Variants in SDK1 observed in about 807,000 individuals in gnomAD.
SDK1 encodes sidekick cell adhesion molecule 1.
A neutral mutation model predicts 245.5 loss-of-function variants in SDK1; 157 were observed. That is an observed-to-expected ratio of 0.64 (90% CI 0.56 to 0.73). The LOEUF is 0.73. Ranked by LOEUF, SDK1 falls within the 30% of genes least tolerant of loss-of-function variation. The pLI, the probability that SDK1 is intolerant of heterozygous loss-of-function variation, is 0.00. For synonymous variants in SDK1, 1,647 were observed against 1,278.5 expected (o/e 1.29, Z -6.15); for missense variants, 3,583 against 3,002.3 (o/e 1.19, Z -4.52).
chr7:3,343,240 TAATA>T (rs1398314569), intron 1 of SDK1, among the ~76,000 whole-genome samples: 2 of 152,184 alleles, frequency 1.3e-5, no homozygotes, highest in Non-Finnish European at 2.9e-5. Flanking sequence ...GCTTTATTTA[TAATA>T]AATACCCCTA....
rs1781647131 is a variant in SDK1 at position 3,485,199 on chromosome 7, C to G, written c.299-133881C>G. Reference sequence around the variant, plus strand: ...GTCTTTTTGATAATAGCTATCATATCTGGGGTGAGATGAAATCTCACTGTG... The same window carrying G: ...GTCTTTTTGATAATAGCTATCATATGTGGGGTGAGATGAAATCTCACTGTG... On this transcript the variant is annotated intron_variant, in intron 1 of 44. Transcript: ENST00000404826. Among the ~76,000 whole-genome samples the G allele has an allele frequency of 2.0e-5, 3 of 152,120 alleles. No homozygotes were observed. The South Asian group carries it at 6.2e-4, about 32-fold the overall frequency.
chr7:4,182,230 G>A (rs1000900602), intron 35 of SDK1, among the ~76,000 whole-genome samples: 1 of 152,096 alleles, frequency 6.6e-6, no homozygotes, highest in Non-Finnish European at 1.5e-5. Flanking sequence ...ACTGCCCCAG[G>A]ACACCCTCTC....
At chr7:3,487,953 A>G (rs773462848) in intron 1 of SDK1, among the ~76,000 whole-genome samples, 1 of 152,006 alleles carries the variant, frequency 6.6e-6, no homozygotes, top group Non-Finnish European at 1.5e-5. Flanking sequence ...TGTTTGTAGC[A>G]TCTGTGTCTG....
Position 4,265,580 on chromosome 7 carries a change from G to T in SDK1, c.*196G>T. The T allele has an allele frequency of 7.4e-7, 1 of 1,343,884 alleles. No homozygotes were observed. Among genetic ancestry groups the T allele is most frequent in the Non-Finnish European group, 9.5e-7 (1 of 1,057,056 alleles). The allele number at this position is 1,343,884 out of a possible 1,614,324, so 83.2% of individuals were successfully genotyped here. ...TTTTTAAACGGCTTTTTGTAACTTC[G>T]CTGCAGGAAGCAGGTTTGTTTCTTT... On this transcript the variant is annotated 3_prime_UTR_variant, in exon 45 of 45. Transcript: ENST00000404826.
intron 5 of SDK1, among the ~76,000 whole-genome samples, chr7:3,937,027 T>A (rs1410149397): frequency 6.6e-6 from 1 of 152,158 alleles, no homozygotes; most frequent in African/African-American, 2.4e-5. Context: ...CTGGCCATGA[T>A]CATCATGTGC....
At chr7:3,578,432 T>C (rs1006916280) in intron 1 of SDK1, among the ~76,000 whole-genome samples, 6 of 152,074 alleles carry the variant, frequency 3.9e-5, no homozygotes, top group Admixed American at 6.6e-5. Context: ...GCTGTGCACG[T>C]ATTGTCTTAA....
chr7:3,822,242 A>G lies in SDK1; in HGVS notation c.847+659A>G, dbSNP rs551872199. ...GAACTCTGAACTAATCTAGATTCAG[A>G]CATCCATATCAGAAGGCTTGTCATC... On this transcript the variant is annotated intron_variant, in intron 5 of 44. Transcript: ENST00000404826. Among the ~76,000 whole-genome samples the G allele has an allele frequency of 7.2e-5, 11 of 152,364 alleles. No homozygotes were observed. In the East Asian group the frequency reaches 1.9e-3, roughly 27 times the overall value.
chr7:3,386,995 C>G (rs1410014186), intron 1 of SDK1, among the ~76,000 whole-genome samples: 1 of 152,180 alleles, frequency 6.6e-6, no homozygotes, highest in Admixed American at 6.5e-5. Flanking sequence ...ATGGCACATT[C>G]ATCTTCAGTT....
At position 3,702,998 on chromosome 7, in the gene SDK1, G is replaced by A. The variant is rs10265854; in HGVS notation, c.713+60893G>A. On this transcript the variant is annotated intron_variant, in intron 4 of 44. Transcript: ENST00000404826. ...GCGTTGCTGGTGGAGATATAAATTG[G>A]TGCATCTAGAAAATATTGGAAAATA... Among the ~76,000 whole-genome samples the A allele has an allele frequency of 6.3e-3, 948 of 150,292 alleles. 14 individuals are homozygous for A. Among genetic ancestry groups the A allele is most frequent in the African/African-American group, 0.022 (879 of 40,744 alleles).
At chr7:3,567,247 G>A (rs1037732423) in intron 1 of SDK1, among the ~76,000 whole-genome samples, 3 of 152,138 alleles carry the variant, frequency 2.0e-5, no homozygotes, top group Non-Finnish European at 2.9e-5. Flanking sequence ...TTGCAACCTC[G>A]ACAGGTATTT....
At position 3,619,189 on chromosome 7, in the gene SDK1, C is replaced by A. The variant is rs1781860184; in HGVS notation, c.408C>A (p.Phe136Leu). The A allele has an allele frequency of 5.6e-6, 9 of 1,613,734 alleles. No homozygotes were observed. In the South Asian group the frequency reaches 9.9e-5, roughly 18 times the overall value. Residue 136 changes from phenylalanine (F) to leucine (L), a missense_variant, in exon 2 of 45, where the codon TTC becomes TTA. Coordinates refer to ENST00000404826, the MANE Select transcript of SDK1 (RefSeq NM_152744.4). ...CLAEGSWPLE[F>L]KWMRDDSELT... ...CCGAAGGGAGCTGGCCTTTGGAGTT[C>A]AAGTGGATGCGCGATGACAGTGAGC...
At chr7:4,030,360 A>G (rs1332625851) in intron 17 of SDK1, among the ~76,000 whole-genome samples, 2 of 152,268 alleles carry the variant, frequency 1.3e-5, no homozygotes, top group African/African-American at 4.8e-5. Flanking sequence ...AAGTTGCTCA[A>G]AGAAAGATTT....
intron 4 of SDK1, among the ~76,000 whole-genome samples, chr7:3,789,251 G>T (rs1256237100): frequency 6.6e-6 from 1 of 151,990 alleles, no homozygotes; most frequent in Non-Finnish European, 1.5e-5. Context: ...AGGTTCAAGC[G>T]ATTCTCCTGC....
chr7:3,872,580 CTTTTTT>C (rs57740560), intron 5 of SDK1, among the ~76,000 whole-genome samples: 21 of 140,102 alleles, frequency 1.5e-4, no homozygotes, highest in Non-Finnish European at 3.2e-4. Flanking sequence ...TTTTTGGTAT[CTTTTTT>C]TTTTTTTTTA....
chr7:3,407,679 A>T (rs1042732474), intron 1 of SDK1, among the ~76,000 whole-genome samples: 8 of 152,218 alleles, frequency 5.3e-5, no homozygotes. Context: ...TGGATACTAT[A>T]AATTGAAGAT....
At chr7:3,820,306 C>A (rs528351931) in intron 4 of SDK1, among the ~76,000 whole-genome samples, 19 of 152,198 alleles carry the variant, frequency 1.2e-4, no homozygotes, top group African/African-American at 4.6e-4. Context: ...TGTGCCACCA[C>A]GCCGAACTAA....
intron 4 of SDK1, among the ~76,000 whole-genome samples, chr7:3,744,826 AC>A (rs1779573635): frequency 6.6e-6 from 1 of 151,566 alleles, no homozygotes; most frequent in Non-Finnish European, 1.5e-5. Context: ...AAACAAACAA[AC>A]AAAAAAAAAC....
chr7:3,827,292 C>G (rs1463564150), intron 5 of SDK1, among the ~76,000 whole-genome samples: 1 of 152,142 alleles, frequency 6.6e-6, no homozygotes, highest in Non-Finnish European at 1.5e-5. Flanking sequence ...AACCTATTTT[C>G]AGTCCTTTCA....
intron 1 of SDK1, among the ~76,000 whole-genome samples, chr7:3,382,625 A>C (rs972859555): frequency 6.6e-6 from 1 of 152,176 alleles, no homozygotes; most frequent in African/African-American, 2.4e-5. Flanking sequence ...TTAAAAAATC[A>C]TGTTTTTGAA....
Sources: allele counts gnomAD v4.1 joint callset (sites outside exome capture counted in the v4.1 genomes callset), GRCh38; gene constraint gnomAD v4.1.1; transcripts MANE v1.5; gene names NCBI Gene and HGNC (gene_info 2026-07-23, HGNC 2026-07-21).